The following ATP5PO variants were observed in gnomAD, a reference collection of about 807,000 sequenced individuals.
ATP5PO encodes ATP synthase peripheral stalk subunit OSCP.
A neutral mutation model predicts 26.2 loss-of-function variants in ATP5PO; 14 were observed. The observed-to-expected ratio is 0.53, with a 90% CI of 0.35 to 0.83. The LOEUF (loss-of-function observed/expected upper bound fraction) is 0.83, where lower values mean the gene tolerates loss of function less well. Among genes scored for constraint, ATP5PO ranks in the 40% least tolerant of loss-of-function variants. The pLI is 0.01. For synonymous variants in ATP5PO, 106 were observed against 95.1 expected (o/e 1.12, Z -0.67); for missense variants, 241 against 258.5 (o/e 0.93, Z 0.46).
chr21:33,915,353 T>A (rs919363671), intron 1 of ATP5PO: 2 of 274,432 alleles, frequency 7.3e-6, no homozygotes, highest in African/African-American at 4.5e-5. Context: ...TTCCTTAGCA[T>A]TACTAGTAAG....
intron 1 of ATP5PO, chr21:33,915,376 G>A: frequency 2.8e-6 from 1 of 351,870 alleles, no homozygotes; most frequent in Non-Finnish European, 5.2e-6. Context: ...ATCTCTGACA[G>A]GTTTTACCAC....
At chr21:33,911,663 T>TG (rs1491319351) in intron 3 of ATP5PO, among the ~76,000 whole-genome samples, 2 of 24,326 alleles carry the variant, frequency 8.2e-5, no homozygotes, top group Non-Finnish European at 6.4e-5. Context: ...TAAGCATAGG[T>TG]TTTTTTTTTT....
intron 1 of ATP5PO, 116 bp from the exon 2 acceptor site, chr21:33,914,616 G>T: frequency 1.1e-6 from 1 of 950,754 alleles, no homozygotes; most frequent in Non-Finnish European, 1.6e-6. Context: ...TTGTCTCTTT[G>T]TATATTCACA....
intron 5 of ATP5PO, 200 bp downstream of exon 5, chr21:33,907,141 T>C (rs1470907090): frequency 8.9e-6 from 5 of 560,644 alleles, no homozygotes; most frequent in Non-Finnish European, 1.3e-5. Context: ...AATCACTGGT[T>C]ACAGAAGCAC....
chr21:33,904,477 C>T (rs926867390), intron 5 of ATP5PO, among the ~76,000 whole-genome samples: 8 of 152,208 alleles, frequency 5.3e-5, no homozygotes, highest in African/African-American at 1.7e-4. Flanking sequence ...TTTACATCTT[C>T]ATGTTTGCCT....
intron 5 of ATP5PO, among the ~76,000 whole-genome samples, chr21:33,905,168 G>A (rs1485917796): frequency 6.6e-6 from 1 of 151,828 alleles, no homozygotes; most frequent in African/African-American, 2.4e-5. Flanking sequence ...TTGGGGGTGG[G>A]GGGTGCTGGT....
chr21:33,905,367 A>G (rs1411077524), intron 5 of ATP5PO, among the ~76,000 whole-genome samples: 3 of 152,060 alleles, frequency 2.0e-5, no homozygotes, highest in East Asian at 1.9e-4. Context: ...CATTATGCCC[A>G]TTTTACATAT....
At chr21:33,907,136 C>A in intron 5 of ATP5PO, 1 of 550,632 alleles carries the variant, frequency 1.8e-6, no homozygotes, top group Non-Finnish European at 3.2e-6. Flanking sequence ...TGAATAATCA[C>A]TGGTTACAGA....
intron 4 of ATP5PO, among the ~76,000 whole-genome samples, chr21:33,908,363 T>C (rs1987203310): frequency 6.6e-6 from 1 of 152,082 alleles, no homozygotes; most frequent in Non-Finnish European, 1.5e-5. Flanking sequence ...AAAGATGATA[T>C]CATGAACACA....
chr21:33,907,987 C>CAAGA (rs1426481669), intron 4 of ATP5PO, among the ~76,000 whole-genome samples: 1 of 151,008 alleles, frequency 6.6e-6, no homozygotes, highest in African/African-American at 2.5e-5. Context: ...GAAACCCTGC[C>CAAGA]TCACAAAAAA....
chr21:33,906,586 G>A, intron 5 of ATP5PO: 1 of 437,772 alleles, frequency 2.3e-6, no homozygotes, highest in Non-Finnish European at 4.5e-6. Flanking sequence ...ATATAGTAGG[G>A]TTCAATAAAC....
chr21:33,904,158 T>G (rs1987139018), intron 5 of ATP5PO, 137 bp from the exon 6 acceptor site: 2 of 658,768 alleles, frequency 3.0e-6, no homozygotes, highest in African/African-American at 3.7e-5. Flanking sequence ...ATGGAGCTGC[T>G]CTGCAGCATT....
Position 33,903,522 on chromosome 21 carries a change from A to G in ATP5PO, c.*4T>C. ...TTTTCACTGATGGCAGAAAACCAAC[A>G]CTTTTAGACAATCTCCCGCATAGCC... On this transcript the variant is annotated 3_prime_UTR_variant, in exon 7 of 7. Coordinates refer to ENST00000290299, the MANE Select transcript of ATP5PO (RefSeq NM_001697.3). 1 of 1,606,476 alleles carries G rather than the reference A, an allele frequency of 6.2e-7. No homozygotes were observed. The highest frequency in any genetic ancestry group is 8.5e-7 in the Non-Finnish European group (1 of 1,175,426).
In ATP5PO at chr21:33,912,395, G is replaced by T; in HGVS notation, c.92C>A (p.Pro31His). The change falls in exon 3 of 7, where the codon CCT becomes CAT. Residue 31 changes from proline (P) to histidine (H), a missense_variant. Pro to His is a moderately conservative substitution (Grantham distance 77). Transcript: ENST00000290299. ...VRPFAKLVRP[P>H]VQVYGIEGRY... ...ACCTTCAATACCGTATACCTGAACA[G>T]GAGGCTTTAAAAAAAAGGTGAAATA... is the stretch of plus-strand genomic sequence containing the variant. 1 of 1,604,982 alleles carries T rather than the reference G, an allele frequency of 6.2e-7. No homozygotes were observed. Among genetic ancestry groups the T allele is most frequent in the Non-Finnish European group, 8.5e-7 (1 of 1,174,542 alleles).
chr21:33,914,543 A>T (rs1987289453), intron 1 of ATP5PO, 43 bp from the exon 2 acceptor site: 2 of 1,577,188 alleles, frequency 1.3e-6, no homozygotes, highest in East Asian at 4.5e-5. Context: ...AAATTACTTG[A>T]AGGATTTCTG....
chr21:33,907,277 C>T (rs765476332), intron 5 of ATP5PO, 64 bp downstream of exon 5: 211 of 1,407,784 alleles, frequency 1.5e-4, no homozygotes, highest in Admixed American at 2.7e-4. Flanking sequence ...TTTCCCTTTT[C>T]TTCCTGCAAA....
At position 33,914,450 on chromosome 21, in the gene ATP5PO, C is replaced by T; in HGVS notation, c.87G>A (p.Arg29=). Residue 29 remains arginine (R), a splice_region_variant and synonymous_variant, in exon 2 of 7, where the codon AGG becomes AGA. Transcript: ENST00000290299. ...SVVRPFAKLV[R]PPVQVYGIEG... The stretch of plus-strand genomic sequence containing the variant: ...TACAGAAGAATATAAATTAACATAC[C>T]CTCACAAGCTTGGCAAATGGTCTGA... 1 of 1,612,148 alleles carries T rather than the reference C, an allele frequency of 6.2e-7. No individual in the cohort carries two copies. The highest frequency in any genetic ancestry group is 8.5e-7 in the Non-Finnish European group (1 of 1,178,764).
intron 3 of ATP5PO, among the ~76,000 whole-genome samples, chr21:33,911,787 C>T (rs1249421188): frequency 2.6e-5 from 4 of 151,464 alleles, no homozygotes; most frequent in African/African-American, 7.3e-5. Context: ...CCTCAGCCTC[C>T]GGAGTAGCTG....
intron 1 of ATP5PO, chr21:33,915,405 T>G: frequency 2.4e-6 from 1 of 415,054 alleles, no homozygotes; most frequent in Non-Finnish European, 4.3e-6. Flanking sequence ...AGGAAGCTGA[T>G]TTGGGGGCTA....
Sources: allele counts gnomAD v4.1 joint callset (sites outside exome capture counted in the v4.1 genomes callset), GRCh38; gene constraint gnomAD v4.1.1; transcripts MANE v1.5; gene names NCBI Gene and HGNC (gene_info 2026-07-23, HGNC 2026-07-21).